FSD2: variants seen among roughly 807,000 people sequenced by gnomAD.
The protein encoded by FSD2 is fibronectin type III and SPRY domain-containing protein 2.
In FSD2, 71 loss-of-function variants were observed where a neutral mutation model predicts 80.4. That is an observed-to-expected ratio of 0.88 (90% CI 0.73 to 1.08). FSD2 has a LOEUF of 1.08. FSD2 is among the 50% of genes least tolerant of loss of function. The probability of loss-of-function intolerance (pLI) is 0.00; values close to 1 mark genes in which losing one functional copy is unlikely to be tolerated. For missense variants in FSD2, 923 were observed against 913.8 expected, an observed-to-expected ratio of 1.01 and a Z score of -0.13; for synonymous variants, 361 against 329.5, an observed-to-expected ratio of 1.10 and a Z score of -1.03.
chr15:82,770,537 G>A (rs2151496222), intron 7 of FSD2, among the ~76,000 whole-genome samples: 1 of 152,184 alleles, frequency 6.6e-6, no homozygotes, highest in South Asian at 2.1e-4. Context: ...TGGGCGTGGT[G>A]GCATTTGCCT....
chr15:82,768,634 A>C (rs1250928515), intron 9 of FSD2, among the ~76,000 whole-genome samples: 1 of 151,912 alleles, frequency 6.6e-6, no homozygotes, highest in African/African-American at 2.4e-5. Flanking sequence ...GGGAAACCTT[A>C]CTTGAGCTAA....
At chr15:82,778,260 A>T (rs1185461647) in intron 6 of FSD2, among the ~76,000 whole-genome samples, 2 of 151,196 alleles carry the variant, frequency 1.3e-5, no homozygotes, top group African/African-American at 4.9e-5. Flanking sequence ...AGCATTATTC[A>T]CAATAACCAA....
At chr15:82,800,805 T>C (rs1869180698) in intron 1 of FSD2, among the ~76,000 whole-genome samples, 1 of 151,570 alleles carries the variant, frequency 6.6e-6, no homozygotes, top group Admixed American at 6.6e-5. Flanking sequence ...TAAGCTCCTA[T>C]TTCGGGGGTC....
chr15:82,764,492 CTT>C lies in FSD2; in HGVS notation c.1820+672_1820+673del, dbSNP rs60095355. On this transcript the variant is annotated intron_variant, in intron 11 of 12. Transcript: ENST00000334574. ...CTCTTGTTGCTTCATTCTTTACTTG[CTT>C]TTTTTTTTTTTTTTTTTTGAGAAGG... Among the ~76,000 whole-genome samples the C allele has an allele frequency of 7.2e-4, 62 of 86,138 alleles. 2 individuals are homozygous for C. Among genetic ancestry groups the C allele is most frequent in the African/African-American group, 2.3e-3 (47 of 20,848 alleles). 56.5% of individuals were successfully genotyped at this position (86,138 alleles called of 152,430 possible). A position where few individuals can be genotyped will look rare whatever the true frequency, so the allele number is the denominator to read the frequency against.
In FSD2 at chr15:82,760,761, C is replaced by CT. The variant is rs1352905117; in HGVS notation, c.1998-1162_1998-1161insA. On this transcript the variant is annotated intron_variant, in intron 12 of 12. Coordinates refer to ENST00000334574, the MANE Select transcript of FSD2 (RefSeq NM_001007122.4). ...CACGCACACACACACACACACACAC[C>CT]CTACATCTGTAAGAAACTGGCTTGG... 3.8e-5 allele frequency among the ~76,000 whole-genome samples: 5 copies of CT among 131,708 alleles called. No homozygotes were observed. In the East Asian group the frequency reaches 1.2e-3, roughly 32 times the overall value. 86.4% of individuals were successfully genotyped at this position (131,708 alleles called of 152,430 possible).
intron 6 of FSD2, among the ~76,000 whole-genome samples, chr15:82,775,930 T>G (rs1248086247): frequency 6.6e-6 from 1 of 152,212 alleles, no homozygotes; most frequent in East Asian, 1.9e-4. Flanking sequence ...TTTCCACATA[T>G]CTGTGAATTT....
intron 1 of FSD2, among the ~76,000 whole-genome samples, chr15:82,790,836 C>T (rs1232493598): frequency 6.6e-5 from 10 of 150,722 alleles, no homozygotes; most frequent in Non-Finnish European, 7.4e-5. Flanking sequence ...CCGCCCACCT[C>T]GGACTCCCAA....
intron 8 of FSD2, among the ~76,000 whole-genome samples, 159 bp downstream of exon 8, chr15:82,769,591 C>G (rs1040726143): frequency 2.0e-5 from 3 of 151,828 alleles, no homozygotes; most frequent in African/African-American, 4.8e-5. Context: ...CACTGTCAAA[C>G]TAGGCATGTA....
chr15:82,795,632 C>A (rs1175735118), intron 1 of FSD2, among the ~76,000 whole-genome samples: 1 of 152,014 alleles, frequency 6.6e-6, no homozygotes, highest in Non-Finnish European at 1.5e-5. Context: ...GAGTTTGAGA[C>A]CAGCCTGGGC....
chr15:82,760,617 A>G (rs1055288967), intron 12 of FSD2, among the ~76,000 whole-genome samples: 2 of 152,084 alleles, frequency 1.3e-5, no homozygotes, highest in Non-Finnish European at 2.9e-5. Flanking sequence ...TCTACTTTCT[A>G]TGCTACCACC....
intron 1 of FSD2, among the ~76,000 whole-genome samples, chr15:82,795,115 C>T (rs189527429): frequency 3.9e-4 from 59 of 152,194 alleles, no homozygotes; most frequent in East Asian, 3.9e-4. Context: ...CAGTACAGCC[C>T]CTCTAGCTTT....
intron 4 of FSD2, among the ~76,000 whole-genome samples, chr15:82,782,101 T>TAATAATAATAAG (rs2049876338): frequency 8.4e-6 from 1 of 119,726 alleles, no homozygotes; most frequent in Non-Finnish European, 1.7e-5. Flanking sequence ...ATAATAATAA[T>TAATAATAATAAG]AATAAAACTC....
chr15:82,787,147 C>T lies in FSD2; in HGVS notation c.244G>A (p.Asp82Asn), dbSNP rs754647253. Reference sequence around the variant, plus strand: ...AACTCATCCCCTAATTCATGATCATCTTCAAGTCCATATAAGTGGACAAGT... The same window carrying T: ...AACTCATCCCCTAATTCATGATCATTTTCAAGTCCATATAAGTGGACAAGT... ...DELVHLYGLE[D>N]DHELGDEFVD... The change falls in exon 2 of 13, where the codon GAT becomes AAT. Residue 82 changes from aspartate to asparagine, a missense_variant. Transcript: ENST00000334574. 7.4e-6 allele frequency: 12 copies of T among 1,614,038 alleles called. No individual in the cohort carries two copies. The South Asian group carries it at 1.1e-4, about 15-fold the overall frequency.
intron 1 of FSD2, among the ~76,000 whole-genome samples, chr15:82,790,726 C>A (rs1227178196): frequency 1.3e-5 from 2 of 149,088 alleles, no homozygotes; most frequent in Non-Finnish European, 3.0e-5. Context: ...TAGGCGCCCG[C>A]CACCATGCCC....
At position 82,772,206 on chromosome 15, in the gene FSD2, A is replaced by C. The variant is rs764213375; in HGVS notation, c.1134T>G (p.Asn378Lys). 4.6e-5 allele frequency: 74 copies of C among 1,612,216 alleles called. No homozygotes were observed. Among genetic ancestry groups the C allele is most frequent in the Non-Finnish European group, 5.9e-5 (69 of 1,179,318 alleles). The part of the protein sequence containing the change: ...TIPAPSAPVI[N>K]PQVPNSATGS... ...CTGTGGCTGAGTTAGGGACCTGTGG[A>C]TTTATGACTGGAGCAGAAGGAGCTA... Residue 378 changes from asparagine to lysine, a missense_variant, in exon 7 of 13, where the codon AAT (asparagine) becomes AAG (lysine). By Grantham distance (94) the Asn-to-Lys change is moderately conservative (BLOSUM62 0). Coordinates refer to ENST00000334574, the MANE Select transcript of FSD2 (RefSeq NM_001007122.4).
In FSD2 at chr15:82,762,084, A is replaced by G; in HGVS notation, c.1997+18T>C. On this transcript the variant is annotated intron_variant, in intron 12 of 12. Transcript: ENST00000334574. ...TCAAAAGCAAATTTTAATTGTGAGT[A>G]TCCAGATTTTACTTTACCTTGATGA... 6 of 1,552,914 alleles carry G rather than the reference A, an allele frequency of 3.9e-6. No homozygotes were observed. The highest frequency in any genetic ancestry group is 5.2e-6 in the Non-Finnish European group (6 of 1,148,526).
chr15:82,757,662 T>C lies in FSD2; in HGVS notation c.*1686A>G, dbSNP rs1375899088. 1 of 152,204 alleles carries C rather than the reference T, an allele frequency of 6.6e-6. No homozygotes were observed. The highest frequency in any genetic ancestry group is 1.5e-5 in the Non-Finnish European group (1 of 68,052). 9.4% of individuals were successfully genotyped at this position (152,204 alleles called of 1,614,324 possible). ...CATTTTTAAATATACATGATATGTA[T>C]CTTTTAATTGTTTATAACTGGAACT... is the stretch of plus-strand genomic sequence containing the variant. On this transcript the variant is annotated 3_prime_UTR_variant, in exon 13 of 13. Transcript: ENST00000334574.
chr15:82,776,032 C>T (rs1049074352), intron 6 of FSD2, among the ~76,000 whole-genome samples: 11 of 152,292 alleles, frequency 7.2e-5, no homozygotes, highest in African/African-American at 2.4e-4. Context: ...GGCCTGTAAT[C>T]TCAGCACTTT....
At chr15:82,803,198 C>G (rs2050453828) in intron 1 of FSD2, among the ~76,000 whole-genome samples, 1 of 152,126 alleles carries the variant, frequency 6.6e-6, no homozygotes, top group African/African-American at 2.4e-5. Flanking sequence ...CACTATTTCC[C>G]TCTGTGGCTC....
Sources: allele counts gnomAD v4.1 joint callset (sites outside exome capture counted in the v4.1 genomes callset), GRCh38; gene constraint gnomAD v4.1.1; transcripts MANE v1.5; gene names NCBI Gene and HGNC (gene_info 2026-07-23, HGNC 2026-07-21).